CCDC3: variants seen among roughly 807,000 people sequenced by gnomAD.
The protein encoded by CCDC3 is coiled-coil domain containing 3.
A neutral mutation model predicts 21.4 loss-of-function variants in CCDC3; 24 were observed. The ratio of observed to expected loss-of-function variants is 1.12; its 90% CI spans 0.81 to 1.58. The LOEUF is 1.58. CCDC3 is among the 40% of genes most tolerant of loss of function. The pLI is 0.00. For missense variants in CCDC3, 425 were observed against 360.9 expected, an observed-to-expected ratio of 1.18 and a Z score of -1.44; for synonymous variants, 186 against 166.0, an observed-to-expected ratio of 1.12 and a Z score of -0.93.
rs1835855409 is a variant in CCDC3 at position 13,001,537 on chromosome 10, G to C, written c.34C>G (p.Leu12Val). Residue 12 changes from leucine (L) to valine (V), a missense_variant, in exon 1 of 3, where the codon CTG becomes GTG. Physicochemically the swap from Leu to Val is conservative, Grantham distance 32 (BLOSUM62 1). Coordinates refer to ENST00000378825, the MANE Select transcript of CCDC3 (RefSeq NM_031455.4). ...LRQLLLAALC[L>V]AGPPAPARAC... The stretch of plus-strand genomic sequence containing the variant: ...CGCGCGGGCGCTGGGGGACCCGCCA[G>C]GCAGAGCGCGGCGAGCAGCAGCTGG... 4.7e-6 allele frequency: 6 copies of C among 1,281,644 alleles called. No individual in the cohort carries two copies. Among genetic ancestry groups the C allele is most frequent in the Non-Finnish European group, 5.9e-6 (6 of 1,016,128 alleles). The allele number at this position is 1,281,644 out of a possible 1,614,324, so 79.4% of individuals were successfully genotyped here. A position where few individuals can be genotyped will look rare whatever the true frequency, so the allele number is the denominator to read the frequency against.
intron 2 of CCDC3, among the ~76,000 whole-genome samples, chr10:12,982,121 CAAAAAAAAAAAAAAAA>C (rs71386135): frequency 2.1e-4 from 7 of 33,254 alleles, no homozygotes; most frequent in African/African-American, 8.1e-4. Flanking sequence ...GACTCTGTCT[CAAAAAAAAAAAAAAAA>C]AAAAAAAAAA....
chr10:12,929,817 G>C (rs79022176), intron 2 of CCDC3, among the ~76,000 whole-genome samples: 5 of 152,146 alleles, frequency 3.3e-5, no homozygotes. Context: ...GGGGCGGGGG[G>C]ATGATCAAAC....
chr10:13,064,717 C>T (rs938043824), intron 4 of CCDC3, among the ~76,000 whole-genome samples: 3 of 152,042 alleles, frequency 2.0e-5, no homozygotes, highest in African/African-American at 7.2e-5. Flanking sequence ...ACCTGGAAGG[C>T]GGAGCTTGCA....
At chr10:12,923,966 C>T (rs561189434) in intron 2 of CCDC3, among the ~76,000 whole-genome samples, 11 of 152,044 alleles carry the variant, frequency 7.2e-5, no homozygotes, top group South Asian at 6.2e-4. Context: ...CAGGGGTGAA[C>T]GGAACTTCAC....
intron 2 of CCDC3, among the ~76,000 whole-genome samples, chr10:12,968,092 C>T (rs1377767042): frequency 1.3e-5 from 2 of 151,722 alleles, no homozygotes; most frequent in African/African-American, 2.4e-5. Flanking sequence ...TCATTTGAAG[C>T]TGGAAGGCAG....
chr10:13,001,154 G>A (rs1482982036), intron 1 of CCDC3, 43 bp downstream of exon 1: 2 of 1,530,210 alleles, frequency 1.3e-6, no homozygotes, highest in Admixed American at 2.0e-5. Flanking sequence ...TCGGGAGGTG[G>A]CGCAGAGAGA....
At chr10:13,045,489 G>A (rs865885056) in intron 5 of CCDC3, among the ~76,000 whole-genome samples, 27 of 152,052 alleles carry the variant, frequency 1.8e-4, no homozygotes, top group African/African-American at 6.0e-4. Context: ...ATAAGGCCAC[G>A]CACCTGTAGA....
intron 3 of CCDC3, among the ~76,000 whole-genome samples, chr10:13,084,192 T>C (rs1287039350): frequency 6.6e-6 from 1 of 152,154 alleles, no homozygotes; most frequent in African/African-American, 2.4e-5. Context: ...ATGAGTATTA[T>C]ACCTAGGGTG....
intron 5 of CCDC3, among the ~76,000 whole-genome samples, chr10:13,049,364 T>C (rs976010913): frequency 5.9e-5 from 9 of 152,148 alleles, no homozygotes; most frequent in African/African-American, 2.2e-4. Flanking sequence ...TTTATTCCCT[T>C]ATTCAGAACA....
intron 2 of CCDC3, among the ~76,000 whole-genome samples, chr10:12,960,647 G>T (rs1835166917): frequency 6.6e-6 from 1 of 152,174 alleles, no homozygotes; most frequent in African/African-American, 2.4e-5. Context: ...CACGAGGTGG[G>T]GCAGGGTGCA....
chr10:13,008,779 G>A (rs569474710), intron 5 of CCDC3, among the ~76,000 whole-genome samples: 1 of 152,266 alleles, frequency 6.6e-6, no homozygotes. Context: ...AGCAATAGAA[G>A]GGAACTTTCT....
At chr10:12,922,899 G>T (rs1472514313) in intron 2 of CCDC3, among the ~76,000 whole-genome samples, 1 of 152,076 alleles carries the variant, frequency 6.6e-6, no homozygotes, top group African/African-American at 2.4e-5. Context: ...GGAGCCTTCC[G>T]GACTCAGGAA....
chr10:12,905,961 G>A (rs1321926736), intron 2 of CCDC3, among the ~76,000 whole-genome samples: 2 of 152,218 alleles, frequency 1.3e-5, no homozygotes, highest in African/African-American at 4.8e-5. Flanking sequence ...ACTCTGGGGA[G>A]CTTGATGGGA....
At chr10:13,066,212 C>T (rs1369356462) in intron 4 of CCDC3, among the ~76,000 whole-genome samples, 1 of 151,786 alleles carries the variant, frequency 6.6e-6, no homozygotes, top group Non-Finnish European at 1.5e-5. Context: ...AACTGGAGTA[C>T]AATGGTACGA....
chr10:12,951,202 T>G (rs55704903), intron 2 of CCDC3, among the ~76,000 whole-genome samples: 220 of 152,050 alleles, frequency 1.4e-3, no homozygotes, highest in African/African-American at 5.2e-3. Flanking sequence ...GAGACTCTCA[T>G]CTCTACAAAA....
At chr10:13,018,773 A>G (rs540520382) in intron 5 of CCDC3, among the ~76,000 whole-genome samples, 1 of 151,968 alleles carries the variant, frequency 6.6e-6, no homozygotes, top group African/African-American at 2.4e-5. Context: ...TCTACTAAAA[A>G]TACAAAAAAA....
intron 4 of CCDC3, among the ~76,000 whole-genome samples, chr10:13,053,014 GT>G (rs1174543073): frequency 6.8e-6 from 1 of 147,534 alleles, no homozygotes; most frequent in African/African-American, 2.5e-5. Flanking sequence ...AAGTTCCAAT[GT>G]TTTTTTTCTT....
intron 5 of CCDC3, among the ~76,000 whole-genome samples, chr10:13,019,436 C>T (rs1413407997): frequency 6.6e-6 from 1 of 152,122 alleles, no homozygotes. Flanking sequence ...ACAATGAGAG[C>T]GTTTCTCCCA....
intron 3 of CCDC3, among the ~76,000 whole-genome samples, chr10:13,091,885 GTTT>G (rs1289377063): frequency 6.6e-6 from 1 of 151,770 alleles, no homozygotes. Flanking sequence ...GGCAGACAAG[GTTT>G]TTATTGCAGA....
Sources: gnomAD v4.1 joint callset for allele counts (sites outside exome capture counted in the v4.1 genomes callset) on GRCh38, gnomAD v4.1.1 for gene constraint, MANE v1.5 for transcripts, NCBI Gene and HGNC (gene_info 2026-07-23, HGNC 2026-07-21) for gene names.